AOPEP: variants seen among roughly 807,000 people sequenced by gnomAD.
AOPEP encodes the protein aminopeptidase O (putative), also known as aminopeptidase O.
AOPEP carries 77 observed loss-of-function variants against 98.1 expected under a neutral mutation model. That is an observed-to-expected ratio of 0.78 (90% CI 0.65 to 0.95). The LOEUF is 0.95. AOPEP is among the 40% of genes least tolerant of loss of function. The probability of loss-of-function intolerance (pLI) is 0.00; values close to 1 mark genes in which losing one functional copy is unlikely to be tolerated. For missense variants in AOPEP, 1,024 were observed against 1,024.7 expected, an observed-to-expected ratio of 1.00 and a Z score of 0.01; for synonymous variants, 346 against 365.3, an observed-to-expected ratio of 0.95 and a Z score of 0.60.
intron 5 of AOPEP, among the ~76,000 whole-genome samples, chr9:94,862,685 T>C (rs1248056728): frequency 6.6e-6 from 1 of 152,160 alleles, no homozygotes; most frequent in African/African-American, 2.4e-5. Context: ...CTGTTTTTGG[T>C]TTCTGGATTC....
intron 13 of AOPEP, among the ~76,000 whole-genome samples, chr9:95,023,218 C>G (rs2063594547): frequency 6.6e-6 from 1 of 152,154 alleles, no homozygotes; most frequent in Non-Finnish European, 1.5e-5. Flanking sequence ...CATTTGTTAT[C>G]TGTGGTGTGT....
At position 94,760,432 on chromosome 9, in the gene AOPEP, G is replaced by T. The variant is rs202175159; in HGVS notation, c.649G>T (p.Glu217Ter). Reference sequence around the variant, plus strand: ...CTGCAGCCAGGCTCCTGGCTGTGGGGAACTCCTCTTTGACACTGACACTTG... The same window carrying T: ...CTGCAGCCAGGCTCCTGGCTGTGGGTAACTCCTCTTTGACACTGACACTTG... The part of the protein sequence containing the change: ...ARCSQAPGCG[E>*]LLFDTDTWSL... Residue 217 changes from glutamate to a stop codon, truncating the protein, a stop_gained, in exon 2 of 17, where the codon GAA becomes TAA. Transcript: ENST00000375315. LOFTEE classifies it high-confidence loss of function. 1 of 1,613,910 alleles carries T rather than the reference G, an allele frequency of 6.2e-7. No homozygotes were observed. The highest frequency in any genetic ancestry group is 1.3e-5 in the African/African-American group (1 of 75,010).
chr9:95,112,017 G>A, the AOPEP span, among the ~76,000 whole-genome samples: 5 of 152,216 alleles, frequency 3.3e-5, no homozygotes, highest in South Asian at 2.1e-4. Flanking sequence ...AGGGTAGGAC[G>A]CAGGCAGAAA....
chr9:94,884,225 C>G (rs1278692416), intron 5 of AOPEP, among the ~76,000 whole-genome samples: 2 of 152,148 alleles, frequency 1.3e-5, no homozygotes, highest in Non-Finnish European at 2.9e-5. Context: ...TTACTTTTTC[C>G]TTTGTCTCAG....
At chr9:95,112,105 G>A in the AOPEP span, among the ~76,000 whole-genome samples, 1 of 152,250 alleles carries the variant, frequency 6.6e-6, no homozygotes, top group Non-Finnish European at 1.5e-5. Flanking sequence ...ATGAGCTGCT[G>A]TCATCATGGG....
In AOPEP at chr9:94,819,915, G is replaced by A. The variant is rs937520230; in HGVS notation, c.1364+18913G>A. On this transcript the variant is annotated intron_variant, in intron 5 of 16. Transcript: ENST00000375315. ...TTGCAAAAGGACCAACCTTAAAAGA[G>A]CTTTGAATAATAAGTTTCTTTAGTG... Among the ~76,000 whole-genome samples, 4 of 147,124 alleles carry A rather than the reference G, an allele frequency of 2.7e-5. No individual in the cohort carries two copies. In the East Asian group the frequency reaches 8.2e-4, roughly 30 times the overall value.
intron 4 of AOPEP, among the ~76,000 whole-genome samples, chr9:94,797,005 C>A (rs1002565482): frequency 2.0e-5 from 3 of 152,128 alleles, no homozygotes; most frequent in African/African-American, 7.2e-5. Context: ...CACATTGAGA[C>A]TGATTATTTG....
chr9:95,015,518 A>G lies in AOPEP; in HGVS notation c.2115+9902A>G, dbSNP rs531707478. Among the ~76,000 whole-genome samples the G allele has an allele frequency of 4.6e-5, 7 of 152,362 alleles. No individual in the cohort carries two copies. The East Asian group carries it at 1.3e-3, about 29-fold the overall frequency. On this transcript the variant is annotated intron_variant, in intron 13 of 16. Transcript: ENST00000375315. ...CAAAACCCTGAGTCAGGAGTAGAGA[A>G]TACTGAGATGAATAGAATAGTTTAT...
chr9:94,740,644 GCAGGACACAAGATCACATGC>G (rs981609412), intron 1 of AOPEP, among the ~76,000 whole-genome samples: 11 of 152,134 alleles, frequency 7.2e-5, no homozygotes, highest in Non-Finnish European at 1.5e-5. Flanking sequence ...GACCAGCCAT[GCAGGACACAAGATCACATGC>G]CAGAAAGTTC....
In AOPEP at chr9:94,980,091, C is replaced by A. The variant is rs922344955; in HGVS notation, c.1977+664C>A. On this transcript the variant is annotated intron_variant, in intron 11 of 16. Transcript: ENST00000375315. This position sits in a 1 kb window ranked among gnomAD's most constrained non-coding sequence, Gnocchi z 4.3. Reference sequence around the variant, plus strand: ...AGGGAGAAACCTTTTCCTGGCCAGCCCTAGCTCTGTGGAAATCACCTGGCC... The same window carrying A: ...AGGGAGAAACCTTTTCCTGGCCAGCACTAGCTCTGTGGAAATCACCTGGCC... Among the ~76,000 whole-genome samples, 7 of 152,356 alleles carry A rather than the reference C, an allele frequency of 4.6e-5. No individual in the cohort carries two copies. Among genetic ancestry groups the A allele is most frequent in the African/African-American group, 1.7e-4 (7 of 41,578 alleles).
chr9:94,920,189 G>A (rs879518596), intron 5 of AOPEP: 1 of 152,384 alleles, frequency 6.6e-6, no homozygotes, highest in Non-Finnish European at 1.5e-5. Flanking sequence ...AGGGCGTGGT[G>A]GCGCATGCCT....
At position 94,792,844 on chromosome 9, in the gene AOPEP, A is replaced by C; in HGVS notation, c.1044A>C (p.Glu348Asp). Residue 348 changes from glutamate to aspartate, a missense_variant, in exon 4 of 17, where the codon GAA (glutamate) becomes GAC (aspartate). By Grantham distance (45) the Glu-to-Asp change is conservative. Around this residue, in one of 3 missense-constraint regions of AOPEP, gnomAD observed 440 missense variants for 433.8 expected, o/e 1.01. Transcript: ENST00000375315. ...TFTIAVGCWTEMKMETWSSND... is the reference protein window; with the variant it reads ...TFTIAVGCWTDMKMETWSSND... ...CAATTGCAGTGGGATGCTGGACAGAAATGAAGATGGAGACATGGTCATCAA... is the reference window on the plus strand; with the variant it reads ...CAATTGCAGTGGGATGCTGGACAGACATGAAGATGGAGACATGGTCATCAA... 1 of 1,613,978 alleles carries C rather than the reference A, an allele frequency of 6.2e-7. No individual in the cohort carries two copies. Among genetic ancestry groups the C allele is most frequent in the African/African-American group, 1.3e-5 (1 of 75,016 alleles).
At chr9:94,781,932 C>A (rs577048818) in intron 3 of AOPEP, among the ~76,000 whole-genome samples, 16 of 151,388 alleles carry the variant, frequency 1.1e-4, no homozygotes, top group Non-Finnish European at 1.0e-4. Context: ...TGGCTCACAC[C>A]TGTAATCCCA....
chr9:94,913,467 A>G (rs2052372267), intron 5 of AOPEP, among the ~76,000 whole-genome samples: 3 of 152,230 alleles, frequency 2.0e-5, no homozygotes, highest in African/African-American at 7.2e-5. Context: ...CAAGCGTGCC[A>G]TGGTGGTCTA....
At chr9:94,954,704 A>G (rs1369824475) in intron 7 of AOPEP, among the ~76,000 whole-genome samples, 1 of 152,084 alleles carries the variant, frequency 6.6e-6, no homozygotes, top group Non-Finnish European at 1.5e-5. Flanking sequence ...TTTTTTTGTA[A>G]TTCTAATATG....
chr9:94,849,391 G>T (rs2043250162), intron 5 of AOPEP, among the ~76,000 whole-genome samples: 1 of 151,872 alleles, frequency 6.6e-6, no homozygotes, highest in African/African-American at 2.4e-5. Flanking sequence ...ATAGTAAATT[G>T]TAATTACTGT....
chr9:95,101,795 A>G, the AOPEP span: 17 of 1,613,996 alleles, frequency 1.1e-5, no homozygotes, highest in Admixed American at 1.7e-4. Context: ...CCATCTGTAC[A>G]AGGTCTGGTC....
intron 5 of AOPEP, among the ~76,000 whole-genome samples, chr9:94,827,852 G>T (rs376781691): frequency 2.8e-4 from 42 of 152,352 alleles, no homozygotes; most frequent in African/African-American, 1.0e-3. Flanking sequence ...TAGGCAGGCT[G>T]TAGTGTAGAC....
Position 94,760,370 on chromosome 9 carries a change from C to T in AOPEP, c.587C>T (p.Ala196Val), listed in dbSNP as rs1305473084. The part of the protein sequence containing the change: ...QIVRELVTLP[A>V]NRWREQLDYY... Reference sequence around the variant, plus strand: ...GTACGTGAACTTGTGACTTTGCCTGCAAATCGTTGGAGGGAGCAGTTAGAC... The same window carrying T: ...GTACGTGAACTTGTGACTTTGCCTGTAAATCGTTGGAGGGAGCAGTTAGAC... Residue 196 changes from alanine to valine, a missense_variant, in exon 2 of 17, where the codon GCA becomes GTA. This residue lies in a region of AOPEP where 440 missense variants were observed against 433.8 expected (regional missense o/e 1.01). Coordinates refer to ENST00000375315, the MANE Select transcript of AOPEP (RefSeq NM_001193329.3). 5 of 1,614,010 alleles carry T rather than the reference C, an allele frequency of 3.1e-6. No homozygotes were observed. Among genetic ancestry groups the T allele is most frequent in the Non-Finnish European group, 4.2e-6 (5 of 1,180,032 alleles).
Sources: allele counts gnomAD v4.1 joint callset (sites outside exome capture counted in the v4.1 genomes callset), GRCh38; gene constraint gnomAD v4.1.1; regional missense constraint gnomAD v4.1.1; non-coding constraint Gnocchi (gnomAD v3.1); transcripts MANE v1.5; gene names NCBI Gene and HGNC (gene_info 2026-07-23, HGNC 2026-07-21).